The following NAALADL2 variants were observed in gnomAD, a reference collection of about 807,000 sequenced individuals.
NAALADL2 encodes inactive N-acetylated-alpha-linked acidic dipeptidase-like protein 2.
Under a neutral mutation model 87.2 loss-of-function variants are expected in NAALADL2, and 76 were observed. The observed-to-expected ratio is 0.87, with a 90% CI of 0.72 to 1.05. The LOEUF (loss-of-function observed/expected upper bound fraction) is 1.05, where lower values mean the gene tolerates loss of function less well. NAALADL2 is among the 50% of genes least tolerant of loss of function. NAALADL2 has a pLI of 0.00. For synonymous variants in NAALADL2, 354 were observed against 331.0 expected, an observed-to-expected ratio of 1.07 and a Z score of -0.75; for missense variants, 1,089 against 945.8, an observed-to-expected ratio of 1.15 and a Z score of -1.99.
chr3:175,258,502 T>TTCCA (rs944611549), intron 4 of NAALADL2, among the ~76,000 whole-genome samples: 2 of 152,026 alleles, frequency 1.3e-5, no homozygotes, highest in African/African-American at 4.8e-5. Flanking sequence ...TTAGCTAGGA[T>TTCCA]TCCATGATAA....
chr3:174,933,133 A>T (rs926245773), intron 1 of NAALADL2, among the ~76,000 whole-genome samples: 2 of 152,138 alleles, frequency 1.3e-5, no homozygotes, highest in African/African-American at 4.8e-5. Flanking sequence ...GAAAAATTGT[A>T]ATAGAAAAGA....
chr3:174,861,577 G>A (rs2109538931), intron 1 of NAALADL2, among the ~76,000 whole-genome samples: 1 of 152,106 alleles, frequency 6.6e-6, no homozygotes, highest in African/African-American at 2.4e-5. Context: ...AAAATAATAT[G>A]TTTTGTATAT....
intron 2 of NAALADL2, among the ~76,000 whole-genome samples, chr3:174,693,118 T>C (rs779296554): frequency 5.9e-5 from 9 of 151,990 alleles, no homozygotes; most frequent in Non-Finnish European, 1.2e-4. Flanking sequence ...CCAGTACTGC[T>C]CTTAGGGCCA....
At position 175,696,096 on chromosome 3, in the gene NAALADL2, C is replaced by A. The variant is rs1737762320; in HGVS notation, c.1897-41210C>A. Among the ~76,000 whole-genome samples the A allele has an allele frequency of 2.0e-5, 3 of 152,060 alleles. No homozygotes were observed. The South Asian group carries it at 6.2e-4, about 32-fold the overall frequency. On this transcript the variant is annotated intron_variant, in intron 11 of 13. Coordinates refer to ENST00000454872, the MANE Select transcript of NAALADL2 (RefSeq NM_207015.3). Reference sequence around the variant, plus strand: ...CCATTAATTTTTATAGCAAGAGTGACAAATATTCAGATTAATTTCAACACC... The same window carrying A: ...CCATTAATTTTTATAGCAAGAGTGAAAAATATTCAGATTAATTTCAACACC...
intron 11 of NAALADL2, among the ~76,000 whole-genome samples, chr3:175,631,450 CT>C (rs34282283): frequency 0.21 from 28,926 of 138,886 alleles, 3,065 homozygotes; most frequent in African/African-American, 0.31. Context: ...CCCTGTAGTT[CT>C]TTTTTTTTTT....
chr3:175,169,219 T>C (rs1240750759), intron 2 of NAALADL2, among the ~76,000 whole-genome samples: 1 of 151,752 alleles, frequency 6.6e-6, no homozygotes, highest in Non-Finnish European at 1.5e-5. Flanking sequence ...TAAATCTTTT[T>C]GTGGTTTTTG....
chr3:174,954,634 T>C (rs1302362722), intron 1 of NAALADL2, among the ~76,000 whole-genome samples: 1 of 152,076 alleles, frequency 6.6e-6, no homozygotes, highest in Non-Finnish European at 1.5e-5. Context: ...TATAATTTGG[T>C]ATACTCAGTA....
At chr3:174,504,682 A>G (rs992427559) in intron 1 of NAALADL2, among the ~76,000 whole-genome samples, 4 of 152,146 alleles carry the variant, frequency 2.6e-5, no homozygotes, top group Non-Finnish European at 5.9e-5. Flanking sequence ...GCATCCTGAA[A>G]GGAGATTCTG....
chr3:174,447,672 G>A (rs910508473), intron 1 of NAALADL2, among the ~76,000 whole-genome samples: 8 of 151,844 alleles, frequency 5.3e-5, no homozygotes, highest in African/African-American at 7.3e-5. Context: ...AAAAATAGCC[G>A]GGTGTGGTGG....
chr3:175,444,205 C>T (rs141744467), intron 5 of NAALADL2, among the ~76,000 whole-genome samples: 265 of 152,174 alleles, frequency 1.7e-3, no homozygotes, highest in Middle Eastern at 6.8e-3. Flanking sequence ...AAGAAGTTTC[C>T]GCAATCATGA....
chr3:174,993,085 A>G (rs62286237), intron 1 of NAALADL2, among the ~76,000 whole-genome samples: 8,271 of 152,130 alleles, frequency 0.054, 267 homozygotes, highest in East Asian at 0.12. Flanking sequence ...CCCTACCTAT[A>G]GAAAAATCAA....
At chr3:175,607,379 C>A (rs1723909920) in intron 10 of NAALADL2, among the ~76,000 whole-genome samples, 1 of 152,038 alleles carries the variant, frequency 6.6e-6, no homozygotes, top group Non-Finnish European at 1.5e-5. Flanking sequence ...TTTTTTCCTT[C>A]CACTCTGCTA....
intron 1 of NAALADL2, among the ~76,000 whole-genome samples, chr3:174,520,714 A>G (rs1020577979): frequency 4.6e-5 from 7 of 152,238 alleles, no homozygotes; most frequent in African/African-American, 1.7e-4. Flanking sequence ...ATAGGATTTC[A>G]TCAAACTTAA....
At chr3:174,860,264 A>C (rs2109530593) in intron 1 of NAALADL2, among the ~76,000 whole-genome samples, 1 of 152,124 alleles carries the variant, frequency 6.6e-6, no homozygotes, top group African/African-American at 2.4e-5. Context: ...TTTTTCTTTC[A>C]TTTCTTTAAT....
intron 9 of NAALADL2, among the ~76,000 whole-genome samples, chr3:175,506,852 G>A (rs1253051742): frequency 1.3e-5 from 2 of 151,992 alleles, no homozygotes; most frequent in African/African-American, 2.4e-5. Flanking sequence ...TAGTTATAAG[G>A]TGCTCCTGAT....
At chr3:174,925,951 A>T (rs1735955684) in intron 1 of NAALADL2, among the ~76,000 whole-genome samples, 1 of 152,164 alleles carries the variant, frequency 6.6e-6, no homozygotes, top group Non-Finnish European at 1.5e-5. Context: ...AGAAGCTAAA[A>T]ACCTTGAAAA....
At chr3:175,539,226 C>T (rs977987649) in intron 9 of NAALADL2, among the ~76,000 whole-genome samples, 8 of 152,146 alleles carry the variant, frequency 5.3e-5, no homozygotes, top group Admixed American at 3.3e-4. Flanking sequence ...CTGGTAATTC[C>T]CCAAAATACC....
chr3:175,667,262 AAAG>A (rs1560943979), intron 11 of NAALADL2, among the ~76,000 whole-genome samples: 117 of 144,110 alleles, frequency 8.1e-4, no homozygotes, highest in African/African-American at 3.0e-3. Flanking sequence ...AGAAAGAAAG[AAAG>A]GAAGGAAGGG....
intron 6 of NAALADL2, among the ~76,000 whole-genome samples, chr3:175,461,215 G>A (rs1723082408): frequency 6.6e-6 from 1 of 151,232 alleles, no homozygotes; most frequent in South Asian, 2.1e-4. Context: ...GTACTGATTG[G>A]TGCATTTACA....
Sources: allele counts gnomAD v4.1 joint callset (sites outside exome capture counted in the v4.1 genomes callset), GRCh38; gene constraint gnomAD v4.1.1; transcripts MANE v1.5; gene names NCBI Gene and HGNC (gene_info 2026-07-23, HGNC 2026-07-21).